NPAS3: variants seen among roughly 807,000 people sequenced by gnomAD.
NPAS3 encodes the protein neuronal PAS domain protein 3.
In NPAS3, 14 loss-of-function variants were observed where a neutral mutation model predicts 73.1. The ratio of observed to expected loss-of-function variants is 0.19; its 90% CI spans 0.13 to 0.30. The LOEUF is 0.30. Among genes scored for constraint, NPAS3 ranks in the 10% least tolerant of loss-of-function variants. The pLI, the probability that NPAS3 is intolerant of heterozygous loss-of-function variation, is 1.00. For synonymous variants in NPAS3, 620 were observed against 541.5 expected (o/e 1.14, Z -2.01); for missense variants, 1,096 against 1,250.0 (o/e 0.88, Z 1.86).
At position 33,699,535 on chromosome 14, in the gene NPAS3, C is replaced by T. The variant is rs1037025657; in HGVS notation, c.733+23150C>T. Among the ~76,000 whole-genome samples, 8 of 152,138 alleles carry T rather than the reference C, an allele frequency of 5.3e-5. No homozygotes were observed. The East Asian group carries it at 5.8e-4, about 11-fold the overall frequency. On this transcript the variant is annotated intron_variant, in intron 6 of 11. Transcript: ENST00000356141. ...CTGCATTCGTGGAAGAGGAGAAAAG[C>T]GAATCAGAATGCAGCCCTGTAACCT...
At chr14:33,605,442 A>T (rs1050423012) in intron 5 of NPAS3, among the ~76,000 whole-genome samples, 1 of 151,812 alleles carries the variant, frequency 6.6e-6, no homozygotes, top group African/African-American at 2.4e-5. Context: ...AAATATGATC[A>T]TCTACCTAGA....
chr14:33,096,978 T>C (rs1406097468), intron 2 of NPAS3, among the ~76,000 whole-genome samples: 3 of 152,350 alleles, frequency 2.0e-5, no homozygotes, highest in Non-Finnish European at 4.4e-5. Flanking sequence ...AATAAAAATG[T>C]AATGCCTGCC....
chr14:33,055,794 C>CGGTGGTCGCCGTATCATT, intron 1 of NPAS3, 111 bp from the exon 2 acceptor site: 1 of 654,212 alleles, frequency 1.5e-6, no homozygotes. Context: ...GTGTAGAGCT[C>CGGTGGTCGCCGTATCATT]AAAAGCGTAA....
intron 3 of NPAS3, among the ~76,000 whole-genome samples, chr14:33,310,701 T>C (rs552566450): frequency 1.3e-5 from 2 of 151,930 alleles, no homozygotes; most frequent in East Asian, 3.9e-4. Flanking sequence ...CTGTGTCACC[T>C]CATCAAGTCC....
intron 4 of NPAS3, among the ~76,000 whole-genome samples, chr14:33,500,116 C>A (rs928066765): frequency 2.0e-5 from 3 of 151,888 alleles, no homozygotes; most frequent in Non-Finnish European, 2.9e-5. Context: ...TTGAGGAAGG[C>A]ACCTAACCAT....
At chr14:33,664,949 C>T (rs968533065) in intron 5 of NPAS3, among the ~76,000 whole-genome samples, 3 of 151,982 alleles carry the variant, frequency 2.0e-5, no homozygotes, top group Non-Finnish European at 4.4e-5. Flanking sequence ...GACAGTGTGG[C>T]GATTCCTCAA....
intron 3 of NPAS3, among the ~76,000 whole-genome samples, chr14:33,278,997 T>A (rs1032727692): frequency 2.0e-5 from 3 of 152,120 alleles, no homozygotes; most frequent in African/African-American, 7.2e-5. Context: ...CTGTAAATAT[T>A]TCTAAGTTAA....
chr14:33,299,327 G>A (rs569173249), intron 3 of NPAS3, among the ~76,000 whole-genome samples: 87 of 152,242 alleles, frequency 5.7e-4, no homozygotes, highest in African/African-American at 2.0e-3. Context: ...TCTGGATGTC[G>A]CTGGCCATGC....
chr14:33,610,888 C>T (rs557878655), intron 5 of NPAS3: 21 of 152,244 alleles, frequency 1.4e-4, no homozygotes, highest in African/African-American at 4.6e-4. Context: ...AAACTTTGCC[C>T]GAGAATTTAA....
intron 1 of NPAS3, among the ~76,000 whole-genome samples, chr14:32,990,449 A>C (rs973624636): frequency 6.6e-6 from 1 of 152,194 alleles, no homozygotes; most frequent in African/African-American, 2.4e-5. Flanking sequence ...GTGACTATAC[A>C]TAACTCTATA....
chr14:33,255,234 C>G (rs933621241), intron 3 of NPAS3, among the ~76,000 whole-genome samples: 2 of 152,044 alleles, frequency 1.3e-5, no homozygotes, highest in African/African-American at 4.8e-5. Flanking sequence ...AGTATATGAA[C>G]AGAATGTTTA....
At chr14:33,179,548 C>A (rs2139430449) in intron 2 of NPAS3, among the ~76,000 whole-genome samples, 1 of 152,210 alleles carries the variant, frequency 6.6e-6, no homozygotes, top group African/African-American at 2.4e-5. Flanking sequence ...AAGCTTAGAG[C>A]TAGTAAATTG....
At chr14:33,399,139 G>T (rs976714858) in intron 4 of NPAS3, among the ~76,000 whole-genome samples, 2 of 152,068 alleles carry the variant, frequency 1.3e-5, no homozygotes, top group African/African-American at 4.8e-5. Flanking sequence ...ACATTTTAGG[G>T]TAATATAGCT....
chr14:33,063,027 T>G (rs1407781861), intron 2 of NPAS3, among the ~76,000 whole-genome samples: 1 of 152,172 alleles, frequency 6.6e-6, no homozygotes, highest in Non-Finnish European at 1.5e-5. Context: ...CTAGCGGTGG[T>G]TAAATCTCTT....
At chr14:33,658,183 C>G (rs2059204403) in intron 5 of NPAS3, among the ~76,000 whole-genome samples, 1 of 152,204 alleles carries the variant, frequency 6.6e-6, no homozygotes, top group African/African-American at 2.4e-5. Context: ...TTCTCCTCAT[C>G]AGAGGAAGCA....
At chr14:33,391,731 A>G (rs2047015165) in intron 4 of NPAS3, among the ~76,000 whole-genome samples, 1 of 152,220 alleles carries the variant, frequency 6.6e-6, no homozygotes, top group African/African-American at 2.4e-5. Context: ...AGTGAGGCCA[A>G]TGGTAATAAC....
chr14:33,667,551 A>G (rs897775021), intron 5 of NPAS3, among the ~76,000 whole-genome samples: 2 of 152,160 alleles, frequency 1.3e-5, no homozygotes, highest in Non-Finnish European at 2.9e-5. Flanking sequence ...CTGTTATTAA[A>G]CAGTTGTGAA....
chr14:32,940,015 C>T (rs2035920344), intron 1 of NPAS3, among the ~76,000 whole-genome samples: 1 of 152,208 alleles, frequency 6.6e-6, no homozygotes, highest in South Asian at 2.1e-4. Context: ...TGTGGGTCTC[C>T]CGCTCTGCCC....
intron 4 of NPAS3, among the ~76,000 whole-genome samples, chr14:33,427,056 A>G (rs936229075): frequency 2.6e-5 from 4 of 152,100 alleles, no homozygotes; most frequent in African/African-American, 9.7e-5. Context: ...CATATGTATA[A>G]TATAAGATAG....
Sources: gnomAD v4.1 joint callset for allele counts (sites outside exome capture counted in the v4.1 genomes callset) on GRCh38, gnomAD v4.1.1 for gene constraint, MANE v1.5 for transcripts, NCBI Gene and HGNC (gene_info 2026-07-23, HGNC 2026-07-21) for gene names.